ZNF860: variants seen among roughly 807,000 people sequenced by gnomAD.
The protein encoded by ZNF860 is zinc finger protein 860.
For missense variants in ZNF860, 641 were observed against 759.2 expected (o/e 0.84, Z 1.83); for synonymous variants, 206 against 248.9 (o/e 0.83, Z 1.62).
the ZNF860 span, among the ~76,000 whole-genome samples, chr3:32,001,115 T>C: frequency 6.6e-6 from 1 of 152,182 alleles, no homozygotes; most frequent in South Asian, 2.1e-4. Flanking sequence ...CTGTCCACTC[T>C]TCCTGAAGCC....
chr3:32,003,042 G>A, the ZNF860 span, among the ~76,000 whole-genome samples: 1 of 152,220 alleles, frequency 6.6e-6, no homozygotes, highest in Non-Finnish European at 1.5e-5. Context: ...GCAGAAGCTG[G>A]CCGAACGAAA....
intron 1 of ZNF860, among the ~76,000 whole-genome samples, chr3:31,982,783 T>C (rs12632509): frequency 0.074 from 11,276 of 152,288 alleles, 649 homozygotes; most frequent in East Asian, 0.32. Context: ...GGACAAATGA[T>C]ACCGGCTGTA....
the ZNF860 span, among the ~76,000 whole-genome samples, chr3:32,005,587 T>C: frequency 2.0e-5 from 3 of 152,168 alleles, no homozygotes; most frequent in Middle Eastern, 3.2e-3. Context: ...TTGGGTTTTT[T>C]TTGTTGTTGC....
chr3:31,983,513 G>A (rs1698890340), intron 1 of ZNF860, among the ~76,000 whole-genome samples: 1 of 152,208 alleles, frequency 6.6e-6, no homozygotes, highest in Admixed American at 6.5e-5. Context: ...GAATAGTCAA[G>A]GCCAGGATGG....
chr3:31,995,149 T>C (rs1436822838), downstream of ZNF860, among the ~76,000 whole-genome samples: 2 of 152,218 alleles, frequency 1.3e-5, no homozygotes, highest in African/African-American at 4.8e-5. Flanking sequence ...GTGCACGTAT[T>C]GTCTTGATAA....
downstream of ZNF860, among the ~76,000 whole-genome samples, chr3:31,996,299 C>T (rs991143582): frequency 5.3e-5 from 8 of 152,198 alleles, no homozygotes; most frequent in Non-Finnish European, 8.8e-5. Context: ...TTAACTGAGA[C>T]TTGTAACATT....
intron 1 of ZNF860, among the ~76,000 whole-genome samples, chr3:31,987,837 T>C (rs1287634610): frequency 5.3e-5 from 8 of 152,212 alleles, no homozygotes; most frequent in African/African-American, 1.7e-4. Context: ...TATGCAAAAG[T>C]CACCTCCAAG....
At chr3:31,996,882 G>A in the ZNF860 span, among the ~76,000 whole-genome samples, 1 of 152,144 alleles carries the variant, frequency 6.6e-6, no homozygotes, top group Non-Finnish European at 1.5e-5. Flanking sequence ...ATTCAATATG[G>A]TATGTGGTTG....
the ZNF860 span, among the ~76,000 whole-genome samples, chr3:31,999,359 C>CTTTTTT: frequency 7.9e-6 from 1 of 125,864 alleles, no homozygotes; most frequent in Non-Finnish European, 1.6e-5. Context: ...ATATCAAAAT[C>CTTTTTT]TTTTTTTTTT....
At chr3:31,996,872 A>C in the ZNF860 span, among the ~76,000 whole-genome samples, 1 of 152,198 alleles carries the variant, frequency 6.6e-6, no homozygotes, top group Non-Finnish European at 1.5e-5. Context: ...TGAGCACTCC[A>C]TTCAATATGG....
chr3:31,994,677 CA>C (rs1699071034), downstream of ZNF860, among the ~76,000 whole-genome samples: 1 of 152,152 alleles, frequency 6.6e-6, no homozygotes, highest in South Asian at 2.1e-4. Context: ...GACACCAAAT[CA>C]GAAAATTCTT....
At chr3:31,983,212 C>T (rs935800536) in intron 1 of ZNF860, among the ~76,000 whole-genome samples, 3 of 152,174 alleles carry the variant, frequency 2.0e-5, no homozygotes, top group African/African-American at 4.8e-5. Flanking sequence ...TTCATTGAGT[C>T]CTGCATTGAC....
intron 1 of ZNF860, among the ~76,000 whole-genome samples, chr3:31,986,940 G>T (rs1033481758): frequency 9.2e-5 from 14 of 152,128 alleles, no homozygotes; most frequent in African/African-American, 3.4e-4. Context: ...CCAGAAATTT[G>T]AGGCTGCAGT....
At chr3:31,982,338 G>A (rs1180988292) in intron 1 of ZNF860, among the ~76,000 whole-genome samples, 1 of 152,048 alleles carries the variant, frequency 6.6e-6, no homozygotes, top group Non-Finnish European at 1.5e-5. Flanking sequence ...AAAAAGCTTT[G>A]AGGAACTCAG....
At chr3:32,005,289 A>G in the ZNF860 span, among the ~76,000 whole-genome samples, 1 of 152,286 alleles carries the variant, frequency 6.6e-6, no homozygotes, top group African/African-American at 2.4e-5. Context: ...CATCTAGTTC[A>G]TAGGGCCTAA....
downstream of ZNF860, among the ~76,000 whole-genome samples, chr3:31,996,455 C>T (rs774982092): frequency 4.6e-5 from 7 of 152,212 alleles, no homozygotes; most frequent in Non-Finnish European, 8.8e-5. Context: ...TAAATATGAG[C>T]CAACCTATGT....
the ZNF860 span, among the ~76,000 whole-genome samples, chr3:32,003,752 C>T: frequency 5.9e-5 from 9 of 152,120 alleles, no homozygotes; most frequent in Non-Finnish European, 1.2e-4. Context: ...CAGGGCACTG[C>T]AGTGTGTGGT....
the ZNF860 span, among the ~76,000 whole-genome samples, chr3:31,999,420 G>A: frequency 2.0e-5 from 3 of 147,958 alleles, no homozygotes; most frequent in East Asian, 3.9e-4. Flanking sequence ...GAGTACAATG[G>A]CACAATCTCG....
chr3:31,987,082 T>C (rs1698944323), intron 1 of ZNF860, among the ~76,000 whole-genome samples: 1 of 150,918 alleles, frequency 6.6e-6, no homozygotes, highest in South Asian at 2.1e-4. Flanking sequence ...ATATATACTT[T>C]TATATATGTA....
Sources: gnomAD v4.1 joint callset for allele counts (sites outside exome capture counted in the v4.1 genomes callset) on GRCh38, gnomAD v4.1.1 for gene constraint, MANE v1.5 for transcripts, NCBI Gene and HGNC (gene_info 2026-07-23, HGNC 2026-07-21) for gene names.